CNTLN: variants seen among roughly 807,000 people sequenced by gnomAD.
CNTLN encodes centlein.
CNTLN carries 212 observed loss-of-function variants against 180.0 expected under a neutral mutation model. The observed-to-expected ratio is 1.18, with a 90% CI of 1.05 to 1.32. CNTLN has a LOEUF of 1.32. Among genes scored for constraint, CNTLN ranks in the 40% most tolerant of loss-of-function variants. The pLI, the probability that CNTLN is intolerant of heterozygous loss-of-function variation, is 0.00. For synonymous variants in CNTLN, 722 were observed against 563.1 expected, an observed-to-expected ratio of 1.28 and a Z score of -3.99; for missense variants, 2,095 against 1,610.9, an observed-to-expected ratio of 1.30 and a Z score of -5.14.
At chr9:17,198,958 T>A (rs1822326318) in intron 2 of CNTLN, among the ~76,000 whole-genome samples, 1 of 152,162 alleles carries the variant, frequency 6.6e-6, no homozygotes, top group Non-Finnish European at 1.5e-5. Context: ...GTTCCAAGTC[T>A]TTGCTATTGT....
chr9:17,249,685 T>C (rs1293438902), intron 5 of CNTLN, among the ~76,000 whole-genome samples: 1 of 151,984 alleles, frequency 6.6e-6, no homozygotes, highest in African/African-American at 2.4e-5. Context: ...TTGTGTATTT[T>C]CCTTTTTCCC....
chr9:17,523,814 G>C, the CNTLN span, among the ~76,000 whole-genome samples: 6 of 152,166 alleles, frequency 3.9e-5, no homozygotes, highest in African/African-American at 1.4e-4. Flanking sequence ...CCGTAAAGAA[G>C]CTTGGTCCTA....
intron 23 of CNTLN, among the ~76,000 whole-genome samples, chr9:17,482,067 G>C (rs149423767): frequency 2.6e-5 from 4 of 152,056 alleles, no homozygotes; most frequent in Non-Finnish European, 2.9e-5. Context: ...CATAATCAAA[G>C]GAAAATAATA....
At chr9:17,519,320 A>G in the CNTLN span, among the ~76,000 whole-genome samples, 2 of 151,714 alleles carry the variant, frequency 1.3e-5, no homozygotes, top group Non-Finnish European at 2.9e-5. Flanking sequence ...AAAAAGTCAG[A>G]TGCATAAAAT....
intron 7 of CNTLN, chr9:17,300,899 C>G (rs904293323): frequency 9.5e-6 from 8 of 842,548 alleles, no homozygotes; most frequent in Non-Finnish European, 1.1e-5. Context: ...GCTTTCCTGC[C>G]CAGTTATCTG....
chr9:17,281,158 T>C lies in CNTLN; in HGVS notation c.983+7292T>C, dbSNP rs1828636521. Among the ~76,000 whole-genome samples the C allele has an allele frequency of 2.6e-5, 4 of 152,298 alleles. No homozygotes were observed. In the East Asian group the frequency reaches 7.7e-4, roughly 29 times the overall value. On this transcript the variant is annotated intron_variant, in intron 6 of 25. Transcript: ENST00000380647. ...ACTTTTTCTTCACTTTTCTTCTAAG[T>C]TCTTATGTTACTCCTACTGAGAGGT...
intron 12 of CNTLN, among the ~76,000 whole-genome samples, chr9:17,365,422 G>A (rs1230182322): frequency 1.3e-5 from 2 of 152,132 alleles, no homozygotes; most frequent in African/African-American, 4.8e-5. Flanking sequence ...CGTAGTCTCA[G>A]GAGGTTTTTT....
At chr9:17,216,692 G>A (rs1823777394) in intron 2 of CNTLN, among the ~76,000 whole-genome samples, 1 of 152,242 alleles carries the variant, frequency 6.6e-6, no homozygotes, top group Non-Finnish European at 1.5e-5. Context: ...GTAAGTTTAT[G>A]TTATATTCTC....
intron 13 of CNTLN, among the ~76,000 whole-genome samples, chr9:17,380,483 A>G (rs926259384): frequency 1.3e-5 from 2 of 152,210 alleles, no homozygotes; most frequent in Admixed American, 1.3e-4. Context: ...GTCCTTGACC[A>G]GGACCTGTGT....
intron 7 of CNTLN, chr9:17,302,073 T>C (rs1818398104): frequency 1.0e-6 from 1 of 982,696 alleles, no homozygotes; most frequent in Admixed American, 6.3e-5. Context: ...TATAGTGTAC[T>C]GACTACACAT....
At chr9:17,468,022 A>G (rs1356674830) in intron 23 of CNTLN, among the ~76,000 whole-genome samples, 8 of 151,792 alleles carry the variant, frequency 5.3e-5, no homozygotes, top group Non-Finnish European at 1.0e-4. Context: ...TGGATTAAGA[A>G]ATTGTAGTAC....
At chr9:17,456,520 T>C (rs922959984) in intron 18 of CNTLN, among the ~76,000 whole-genome samples, 3 of 152,136 alleles carry the variant, frequency 2.0e-5, no homozygotes, top group Non-Finnish European at 4.4e-5. Context: ...TATGGTATAG[T>C]TTCTAGAAAT....
At chr9:17,148,416 T>C (rs1462065839) in intron 2 of CNTLN, among the ~76,000 whole-genome samples, 1 of 152,204 alleles carries the variant, frequency 6.6e-6, no homozygotes. Context: ...CATAGCCTCA[T>C]TTTATGTGTG....
intron 12 of CNTLN, among the ~76,000 whole-genome samples, chr9:17,348,688 G>T (rs1160259384): frequency 6.6e-6 from 1 of 151,834 alleles, no homozygotes; most frequent in African/African-American, 2.4e-5. Flanking sequence ...GCGTCACCAC[G>T]CGGGGCAAAT....
chr9:17,408,997 A>C (rs1827630028), intron 15 of CNTLN, among the ~76,000 whole-genome samples: 1 of 152,030 alleles, frequency 6.6e-6, no homozygotes, highest in African/African-American at 2.4e-5. Context: ...GCATGCTCCA[A>C]CCCTGGAAGT....
intron 5 of CNTLN, among the ~76,000 whole-genome samples, chr9:17,258,681 G>T (rs970173241): frequency 6.8e-6 from 1 of 147,942 alleles, no homozygotes; most frequent in African/African-American, 2.6e-5. Context: ...CCTTGAAGAG[G>T]TCCTTCACAT....
At chr9:17,186,190 G>T (rs557385368) in intron 2 of CNTLN, among the ~76,000 whole-genome samples, 1 of 152,242 alleles carries the variant, frequency 6.6e-6, no homozygotes, top group East Asian at 1.9e-4. Context: ...TCTGCCACAT[G>T]TTCATGCACA....
chr9:17,369,935 C>T (rs1009936842), intron 13 of CNTLN, among the ~76,000 whole-genome samples: 3 of 150,158 alleles, frequency 2.0e-5, no homozygotes, highest in African/African-American at 7.4e-5. Flanking sequence ...TGCTGTGAAT[C>T]GAGATCACGC....
chr9:17,336,960 A>C (rs1190364947), intron 10 of CNTLN, among the ~76,000 whole-genome samples: 2 of 152,150 alleles, frequency 1.3e-5, no homozygotes, highest in Admixed American at 1.3e-4. Flanking sequence ...GTTTCTCCAC[A>C]TCCTCTCTAG....
Sources: allele counts gnomAD v4.1 joint callset (sites outside exome capture counted in the v4.1 genomes callset), GRCh38; gene constraint gnomAD v4.1.1; transcripts MANE v1.5; gene names NCBI Gene and HGNC (gene_info 2026-07-23, HGNC 2026-07-21).